DENND1A: variants seen among roughly 807,000 people sequenced by gnomAD.
The protein encoded by DENND1A is DENN domain containing 1A.
In DENND1A, 51 loss-of-function variants were observed where a neutral mutation model predicts 113.7. The observed-to-expected ratio is 0.45, with a 90% CI of 0.36 to 0.57. The LOEUF (loss-of-function observed/expected upper bound fraction) is 0.57, where lower values mean the gene tolerates loss of function less well. Ranked by LOEUF, DENND1A falls within the 20% of genes least tolerant of loss-of-function variation. The pLI, the probability that DENND1A is intolerant of heterozygous loss-of-function variation, is 0.00. For missense variants in DENND1A, 1,258 were observed against 1,395.9 expected (o/e 0.90, Z 1.57); for synonymous variants, 565 against 570.8 (o/e 0.99, Z 0.14).
chr9:123,401,587 G>A, intron 21 of DENND1A: 3 of 1,399,252 alleles, frequency 2.1e-6, no homozygotes, highest in Non-Finnish European at 2.8e-6. Context: ...CACCAAACTG[G>A]CTCCCATGCT....
At chr9:123,618,274 T>C (rs984159464) in intron 10 of DENND1A, among the ~76,000 whole-genome samples, 1 of 152,246 alleles carries the variant, frequency 6.6e-6, no homozygotes, top group African/African-American at 2.4e-5. Flanking sequence ...GGGTGAACTA[T>C]GGCTCCCAGG....
At chr9:123,844,017 T>C (rs891753150) in intron 2 of DENND1A, among the ~76,000 whole-genome samples, 2 of 152,060 alleles carry the variant, frequency 1.3e-5, no homozygotes, top group Non-Finnish European at 2.9e-5. Context: ...CAAAATCCAA[T>C]ATCCTTTCAT....
intron 5 of DENND1A, among the ~76,000 whole-genome samples, chr9:123,718,991 C>G (rs187065136): frequency 2.6e-5 from 4 of 152,284 alleles, no homozygotes; most frequent in Admixed American, 2.6e-4. Context: ...ATAAGTCTCA[C>G]GAGATCTGAC....
Position 123,524,801 on chromosome 9 carries a change from G to C in DENND1A, c.993+32769C>G, listed in dbSNP as rs373273007. On this transcript the variant is annotated intron_variant, in intron 13 of 23. Transcript: ENST00000394215. Reference sequence around the variant, plus strand: ...CATTTGTACCTTTGTGCTCTTTACTGATTGGTGAGCAGACAGTGGTATGTG... The same window carrying C: ...CATTTGTACCTTTGTGCTCTTTACTCATTGGTGAGCAGACAGTGGTATGTG... 2.0e-5 allele frequency among the ~76,000 whole-genome samples: 3 copies of C among 152,340 alleles called. No individual in the cohort carries two copies. The East Asian group carries it at 5.8e-4, about 29-fold the overall frequency.
At chr9:123,464,812 A>G (rs1007178531) in intron 13 of DENND1A, among the ~76,000 whole-genome samples, 4 of 151,862 alleles carry the variant, frequency 2.6e-5, no homozygotes, top group Admixed American at 6.6e-5. Context: ...AAGCTGGGAG[A>G]TGGGTTCACT....
At chr9:123,830,886 A>C (rs1840100168) in intron 2 of DENND1A, among the ~76,000 whole-genome samples, 1 of 149,910 alleles carries the variant, frequency 6.7e-6, no homozygotes, top group South Asian at 2.1e-4. Flanking sequence ...AAAAAAAAAA[A>C]AAAAAAAAAA....
chr9:123,740,196 T>A (rs1219002250), intron 5 of DENND1A, among the ~76,000 whole-genome samples: 1 of 152,112 alleles, frequency 6.6e-6, no homozygotes, highest in Non-Finnish European at 1.5e-5. Flanking sequence ...AAAAAAAAAA[T>A]CCTGTGCAAA....
chr9:123,597,291 A>C (rs2059739103), intron 11 of DENND1A, among the ~76,000 whole-genome samples: 1 of 152,196 alleles, frequency 6.6e-6, no homozygotes, highest in African/African-American at 2.4e-5. Flanking sequence ...TACGGACTTA[A>C]TCAGAGTGAA....
At chr9:123,856,781 A>G (rs1026587168) in intron 2 of DENND1A, among the ~76,000 whole-genome samples, 15 of 152,200 alleles carry the variant, frequency 9.9e-5, no homozygotes, top group East Asian at 3.9e-4. Context: ...CAGAGCCCCA[A>G]TTGAGTTAAG....
chr9:123,757,892 A>G, intron 4 of DENND1A, 70 bp from the exon 5 acceptor site: 2 of 1,574,976 alleles, frequency 1.3e-6, no homozygotes, highest in Non-Finnish European at 1.7e-6. Flanking sequence ...TCTAATCACA[A>G]TGAGTCGTTG....
intron 2 of DENND1A, among the ~76,000 whole-genome samples, chr9:123,799,056 C>T (rs775463875): frequency 3.9e-5 from 6 of 152,182 alleles, no homozygotes; most frequent in African/African-American, 1.2e-4. Flanking sequence ...TTTGCCTAAA[C>T]GACAGCTGTG....
intron 19 of DENND1A, among the ~76,000 whole-genome samples, chr9:123,415,345 A>C (rs2044639185): frequency 6.6e-6 from 1 of 152,242 alleles, no homozygotes; most frequent in East Asian, 1.9e-4. Flanking sequence ...ATGCTGGAGC[A>C]TATGATGGGG....
At chr9:123,921,107 G>T (rs532579398) in intron 1 of DENND1A, among the ~76,000 whole-genome samples, 22 of 152,206 alleles carry the variant, frequency 1.4e-4, no homozygotes, top group African/African-American at 5.1e-4. Flanking sequence ...AAAAAAAACT[G>T]TAATACTATA....
At chr9:123,863,043 T>C (rs1845278448) in intron 2 of DENND1A, among the ~76,000 whole-genome samples, 2 of 152,240 alleles carry the variant, frequency 1.3e-5, no homozygotes, top group South Asian at 2.1e-4. Context: ...TAGTATTTGG[T>C]CTTTTTTATA....
At chr9:123,591,789 G>A (rs1304413891) in intron 11 of DENND1A, among the ~76,000 whole-genome samples, 1 of 152,206 alleles carries the variant, frequency 6.6e-6, no homozygotes, top group African/African-American at 2.4e-5. Flanking sequence ...TCAGCTCAAC[G>A]AAAGCAAATC....
chr9:123,640,118 T>C (rs1434069385), intron 9 of DENND1A, among the ~76,000 whole-genome samples: 2 of 152,232 alleles, frequency 1.3e-5, no homozygotes, highest in East Asian at 3.8e-4. Flanking sequence ...GTATCCACTA[T>C]GTGCACACAC....
intron 5 of DENND1A, among the ~76,000 whole-genome samples, chr9:123,689,501 T>C (rs1392694098): frequency 6.6e-6 from 1 of 152,210 alleles, no homozygotes; most frequent in Non-Finnish European, 1.5e-5. Flanking sequence ...GGTAATATAT[T>C]TTAAATGATA....
At chr9:123,530,505 C>A (rs1052826794) in intron 13 of DENND1A, among the ~76,000 whole-genome samples, 1 of 152,092 alleles carries the variant, frequency 6.6e-6, no homozygotes, top group African/African-American at 2.4e-5. Flanking sequence ...TAGACTCTCA[C>A]TGAAAGAAAT....
intron 20 of DENND1A, 189 bp from the exon 21 acceptor site, chr9:123,403,679 G>A: frequency 1.7e-6 from 1 of 593,068 alleles, no homozygotes; most frequent in South Asian, 1.9e-5. Context: ...CACATTAACT[G>A]GAATTCTGTG....
Sources: allele counts gnomAD v4.1 joint callset (sites outside exome capture counted in the v4.1 genomes callset), GRCh38; gene constraint gnomAD v4.1.1; transcripts MANE v1.5; gene names NCBI Gene and HGNC (gene_info 2026-07-23, HGNC 2026-07-21).